The following PCSK5 variants were observed in gnomAD, a reference collection of about 807,000 sequenced individuals.
PCSK5 encodes proprotein convertase subtilisin/kexin type 5, also known as prohormone convertase 5.
In PCSK5, 129 loss-of-function variants were observed where a neutral mutation model predicts 233.2. The observed-to-expected ratio is 0.55, with a 90% CI of 0.48 to 0.64. The LOEUF is 0.64. PCSK5 is among the 30% of genes least tolerant of loss of function. The probability of loss-of-function intolerance (pLI) is 0.00; values close to 1 mark genes in which losing one functional copy is unlikely to be tolerated. For synonymous variants in PCSK5, 825 were observed against 879.2 expected (o/e 0.94, Z 1.09); for missense variants, 2,076 against 2,430.1 (o/e 0.85, Z 3.06).
chr9:76,194,513 CTCTTA>C (rs1201669443), intron 20 of PCSK5: 1 of 162,026 alleles, frequency 6.2e-6, no homozygotes, highest in African/African-American at 2.4e-5. Flanking sequence ...CCTTTTAGTT[CTCTTA>C]TTTTTCTACT....
chr9:76,207,370 G>T (rs1375291849), intron 20 of PCSK5, among the ~76,000 whole-genome samples: 5 of 152,120 alleles, frequency 3.3e-5, no homozygotes, highest in Admixed American at 6.5e-5. Flanking sequence ...ATAATAATAT[G>T]TCCTCATGAG....
chr9:75,890,715 G>A lies in PCSK5; in HGVS notation c.-467G>A, dbSNP rs547489704. 4.5e-5 allele frequency: 7 copies of A among 156,916 alleles called. No individual in the cohort carries two copies. The highest frequency in any genetic ancestry group is 6.5e-5 in the Admixed American group (1 of 15,398). 9.7% of individuals were successfully genotyped at this position (156,916 alleles called of 1,614,324 possible). A position where few individuals can be genotyped will look rare whatever the true frequency, so the allele number is the denominator to read the frequency against. On this transcript the variant is annotated 5_prime_UTR_variant, in exon 1 of 38. Transcript: ENST00000674117. ...CGCGCTGCTCGGAGCCGGAGGGAGC[G>A]CTGGGAGCGAGCAAGCGAGCGTTTG...
chr9:76,355,520 A>G (rs901861992), intron 37 of PCSK5, among the ~76,000 whole-genome samples: 1 of 152,146 alleles, frequency 6.6e-6, no homozygotes, highest in African/African-American at 2.4e-5. Context: ...TTCTTAAAAT[A>G]TACTCTCTAG....
In PCSK5 at chr9:76,082,540, C is replaced by A. The variant is rs1830884408; in HGVS notation, c.894+10642C>A. Among the ~76,000 whole-genome samples the A allele has an allele frequency of 2.6e-5, 4 of 152,044 alleles. No individual in the cohort carries two copies. The South Asian group carries it at 8.3e-4, about 32-fold the overall frequency. On this transcript the variant is annotated intron_variant, in intron 7 of 37. Transcript: ENST00000674117. ...GTGGGGAAAGATGAATAGCACTCAGCCCTTGTCTTTGGGGAGTTCACTGTA... is the reference window on the plus strand; with the variant it reads ...GTGGGGAAAGATGAATAGCACTCAGACCTTGTCTTTGGGGAGTTCACTGTA...
At chr9:76,345,586 T>A (rs1171253962) in intron 35 of PCSK5, among the ~76,000 whole-genome samples, 1 of 151,476 alleles carries the variant, frequency 6.6e-6, no homozygotes, top group Non-Finnish European at 1.5e-5. Context: ...GACCTGCTAA[T>A]TTTTTTTAAA....
chr9:75,908,993 G>A (rs1324089958), intron 1 of PCSK5, among the ~76,000 whole-genome samples: 8 of 121,060 alleles, frequency 6.6e-5, no homozygotes, highest in Admixed American at 3.5e-4. Context: ...CTATCTATCC[G>A]ATTTTCTCTC....
At chr9:76,345,001 TGGGGG>T (rs1451792615) in intron 35 of PCSK5, among the ~76,000 whole-genome samples, 1 of 152,028 alleles carries the variant, frequency 6.6e-6, no homozygotes, top group Non-Finnish European at 1.5e-5. Context: ...ATTTTAGAAT[TGGGGG>T]TATATGTGCA....
At chr9:76,279,177 C>G (rs1201664598) in intron 24 of PCSK5, among the ~76,000 whole-genome samples, 1 of 148,108 alleles carries the variant, frequency 6.8e-6, no homozygotes, top group Non-Finnish European at 1.5e-5. Context: ...GTTTTTTGTT[C>G]TTGCGATAGT....
chr9:76,055,523 CCTT>C (rs1829789003), intron 5 of PCSK5, among the ~76,000 whole-genome samples: 1 of 151,482 alleles, frequency 6.6e-6, no homozygotes, highest in Non-Finnish European at 1.5e-5. Flanking sequence ...ATTATTATTT[CCTT>C]CTTGTAATTA....
intron 24 of PCSK5, among the ~76,000 whole-genome samples, chr9:76,284,167 C>A (rs9314843): frequency 0.12 from 18,690 of 151,718 alleles, 1,524 homozygotes; most frequent in African/African-American, 0.24. Context: ...TTAACCTCTT[C>A]AATCTTAAAT....
intron 7 of PCSK5, among the ~76,000 whole-genome samples, chr9:76,074,419 A>C (rs1038830954): frequency 3.9e-5 from 6 of 152,252 alleles, no homozygotes; most frequent in Non-Finnish European, 8.8e-5. Flanking sequence ...GTAACAAAAG[A>C]AATAACTATC....
intron 32 of PCSK5, among the ~76,000 whole-genome samples, chr9:76,326,402 A>AT (rs1453262846): frequency 1.3e-5 from 2 of 151,738 alleles, no homozygotes; most frequent in African/African-American, 4.8e-5. Flanking sequence ...AAGAAAAAAA[A>AT]ATCTGTAAGC....
At chr9:76,058,340 C>T (rs6560492) in intron 5 of PCSK5, among the ~76,000 whole-genome samples, 9 of 152,034 alleles carry the variant, frequency 5.9e-5, no homozygotes, top group African/African-American at 7.3e-5. Flanking sequence ...TCTGCGTAAA[C>T]CAGAACCCCT....
chr9:76,153,375 A>T (rs1423379724), intron 10 of PCSK5, among the ~76,000 whole-genome samples: 1 of 152,022 alleles, frequency 6.6e-6, no homozygotes, highest in Non-Finnish European at 1.5e-5. Context: ...TTCTGCCCCC[A>T]CTCTTAGGAA....
chr9:76,111,667 C>T (rs533897392), intron 9 of PCSK5, among the ~76,000 whole-genome samples: 29 of 151,868 alleles, frequency 1.9e-4, no homozygotes, highest in South Asian at 1.2e-3. Context: ...ATCATTTGGG[C>T]GATTGCTGCT....
intron 20 of PCSK5, chr9:76,194,497 T>C (rs1434197798): frequency 2.5e-5 from 4 of 157,096 alleles, no homozygotes; most frequent in African/African-American, 9.6e-5. Context: ...GGTGGCATGA[T>C]TGTACCCTTT....
chr9:75,959,679 G>A (rs976851680), intron 2 of PCSK5, among the ~76,000 whole-genome samples: 3 of 152,106 alleles, frequency 2.0e-5, no homozygotes, highest in African/African-American at 4.8e-5. Context: ...CTGTGGCCAC[G>A]GCACAAATGG....
chr9:76,301,162 C>T (rs564787755), intron 27 of PCSK5, among the ~76,000 whole-genome samples: 1 of 151,584 alleles, frequency 6.6e-6, no homozygotes, highest in East Asian at 2.0e-4. Context: ...GTCTCAGCTA[C>T]TTGGGAGGCT....
rs559341453 is a variant in PCSK5, at chr9:76,251,559, G to T, written c.3142+10875G>T. Among the ~76,000 whole-genome samples, 3 of 116,532 alleles carry T rather than the reference G, an allele frequency of 2.6e-5. No homozygotes were observed. The South Asian group carries it at 8.4e-4, about 33-fold the overall frequency. The allele number at this position is 116,532 out of a possible 152,430, so 76.4% of individuals were successfully genotyped here. A position where few individuals can be genotyped will look rare whatever the true frequency, so the allele number is the denominator to read the frequency against. On this transcript the variant is annotated intron_variant, in intron 24 of 37. Transcript: ENST00000674117. ...AGCCTGGGTGACAGAGCGAGACTCC[G>T]TCTCAAAAAAAAAAAAAAAAAGACA...
Sources: allele counts gnomAD v4.1 joint callset (sites outside exome capture counted in the v4.1 genomes callset), GRCh38; gene constraint gnomAD v4.1.1; transcripts MANE v1.5; gene names NCBI Gene and HGNC (gene_info 2026-07-23, HGNC 2026-07-21).